Variants in GRIA2 observed in about 807,000 individuals in gnomAD.
GRIA2 encodes glutamate ionotropic receptor AMPA type subunit 2, also known as glutamate receptor 2.
Under a neutral mutation model 97.3 loss-of-function variants are expected in GRIA2, and 14 were observed. The observed-to-expected ratio is 0.14, with a 90% CI of 0.10 to 0.23. GRIA2 has a LOEUF of 0.23. Among genes scored for constraint, GRIA2 ranks in the 10% least tolerant of loss-of-function variants. The probability of loss-of-function intolerance (pLI) is 1.00; values close to 1 mark genes in which losing one functional copy is unlikely to be tolerated. For missense variants in GRIA2, 558 were observed against 1,069.8 expected (o/e 0.52, Z 6.67); for synonymous variants, 412 against 387.8 (o/e 1.06, Z -0.73).
intron 2 of GRIA2, among the ~76,000 whole-genome samples, chr4:157,250,486 G>A (rs1359704279): frequency 6.6e-6 from 1 of 151,858 alleles, no homozygotes; most frequent in Non-Finnish European, 1.5e-5. Context: ...TTTCTCACCT[G>A]GGCAATGCAT....
intron 6 of GRIA2, among the ~76,000 whole-genome samples, chr4:157,328,737 T>C (rs1331122167): frequency 6.6e-6 from 1 of 152,036 alleles, no homozygotes; most frequent in Non-Finnish European, 1.5e-5. Context: ...TCTTAATCTG[T>C]AAGATTTTCA....
intron 2 of GRIA2, among the ~76,000 whole-genome samples, chr4:157,250,024 A>G (rs1305300110): frequency 1.3e-5 from 2 of 152,144 alleles, no homozygotes; most frequent in Non-Finnish European, 2.9e-5. Flanking sequence ...TAAAGCTACC[A>G]TTATGCAGGC....
chr4:157,343,590 G>C (rs756488281), intron 12 of GRIA2, among the ~76,000 whole-genome samples: 5 of 152,052 alleles, frequency 3.3e-5, no homozygotes, highest in South Asian at 4.1e-4. Flanking sequence ...AAAAGGAACT[G>C]TTGATGAAAT....
At chr4:157,229,529 A>G (rs963439374) in intron 2 of GRIA2, among the ~76,000 whole-genome samples, 5 of 152,188 alleles carry the variant, frequency 3.3e-5, no homozygotes, top group Non-Finnish European at 7.4e-5. Context: ...GTGAGTAGCT[A>G]TCTTCTTAGA....
chr4:157,310,460 T>G (rs1226891177), intron 3 of GRIA2, among the ~76,000 whole-genome samples: 1 of 152,120 alleles, frequency 6.6e-6, no homozygotes. Context: ...GCTATAAAGA[T>G]TCCCAAACAC....
At chr4:157,227,262 G>A (rs538267498) in intron 2 of GRIA2, among the ~76,000 whole-genome samples, 7 of 152,252 alleles carry the variant, frequency 4.6e-5, no homozygotes, top group Admixed American at 4.6e-4. Flanking sequence ...ACATTGTACT[G>A]AGACATTATG....
In GRIA2 at chr4:157,220,844, G is replaced by T; in HGVS notation, c.-199G>T. The stretch of plus-strand genomic sequence containing the variant: ...TCCGGACTTCTGGAGCGGGGACAGG[G>T]CGCAGGGCATCAGCAGCCACCAGCA... On this transcript the variant is annotated 5_prime_UTR_variant, in exon 1 of 16. Coordinates refer to ENST00000264426, the MANE Select transcript of GRIA2 (RefSeq NM_001083619.3). 1 of 588,260 alleles carries T rather than the reference G, an allele frequency of 1.7e-6. No individual in the cohort carries two copies. Among genetic ancestry groups the T allele is most frequent in the South Asian group, 2.0e-5 (1 of 49,904 alleles). 36.4% of individuals were successfully genotyped at this position (588,260 alleles called of 1,614,324 possible). A position where few individuals can be genotyped will look rare whatever the true frequency, so the allele number is the denominator to read the frequency against.
intron 4 of GRIA2, among the ~76,000 whole-genome samples, chr4:157,314,939 A>G (rs1734245192): frequency 6.6e-6 from 1 of 152,222 alleles, no homozygotes; most frequent in South Asian, 2.1e-4. Flanking sequence ...TTGCTTAGAG[A>G]TAAAAATGTA....
chr4:157,338,749 A>G (rs1735416427), intron 11 of GRIA2, among the ~76,000 whole-genome samples: 1 of 152,066 alleles, frequency 6.6e-6, no homozygotes, highest in Non-Finnish European at 1.5e-5. Flanking sequence ...TTTTATTAAA[A>G]CATTTGAGGT....
intron 2 of GRIA2, among the ~76,000 whole-genome samples, chr4:157,236,082 G>A (rs1352857481): frequency 3.3e-5 from 5 of 151,930 alleles, no homozygotes; most frequent in Admixed American, 6.6e-5. Flanking sequence ...AAAAGTTGAT[G>A]CAGCTTTAAC....
In GRIA2 at chr4:157,363,442, T is replaced by C. The variant is rs1004969710; in HGVS notation, c.*11T>C. The C allele has an allele frequency of 2.4e-5, 30 of 1,244,410 alleles. No homozygotes were observed. The highest frequency in any genetic ancestry group is 2.7e-5 in the Non-Finnish European group (27 of 993,172). 77.1% of individuals were successfully genotyped at this position (1,244,410 alleles called of 1,614,324 possible). A position where few individuals can be genotyped will look rare whatever the true frequency, so the allele number is the denominator to read the frequency against. Reference sequence around the variant, plus strand: ...CCTCCTCTCTCATTTAAGATGACCTTGAATGATGCCATGAGGAACAAGGCA... The same window carrying C: ...CCTCCTCTCTCATTTAAGATGACCTCGAATGATGCCATGAGGAACAAGGCA... On this transcript the variant is annotated 3_prime_UTR_variant, in exon 16 of 16. Coordinates refer to ENST00000264426, the MANE Select transcript of GRIA2 (RefSeq NM_001083619.3).
chr4:157,252,371 C>A (rs1731055775), intron 2 of GRIA2, among the ~76,000 whole-genome samples: 1 of 152,040 alleles, frequency 6.6e-6, no homozygotes, highest in Admixed American at 6.6e-5. Flanking sequence ...GGTTATTTGA[C>A]CAACATTTAT....
At chr4:157,333,425 C>A in intron 8 of GRIA2, 72 bp downstream of exon 8, 1 of 678,916 alleles carries the variant, frequency 1.5e-6, no homozygotes, top group Non-Finnish European at 2.5e-6. Flanking sequence ...TTCACCCTTC[C>A]AGAGAATTCT....
At chr4:157,304,130 T>C (rs1337923457) in intron 3 of GRIA2, among the ~76,000 whole-genome samples, 1 of 152,222 alleles carries the variant, frequency 6.6e-6, no homozygotes, top group Non-Finnish European at 1.5e-5. Context: ...TGAAGTGGCT[T>C]GAGTACATTT....
intron 2 of GRIA2, among the ~76,000 whole-genome samples, chr4:157,265,083 C>T (rs190836206): frequency 2.0e-5 from 3 of 151,998 alleles, no homozygotes; most frequent in African/African-American, 7.2e-5. Context: ...TTATACTGCC[C>T]TTGTTAAGAT....
At chr4:157,291,437 C>A (rs190311675) in intron 2 of GRIA2, among the ~76,000 whole-genome samples, 467 of 151,728 alleles carry the variant, frequency 3.1e-3, no homozygotes, top group Non-Finnish European at 4.7e-3. Flanking sequence ...AATATATTTT[C>A]TCCTATTTTT....
At chr4:157,288,837 G>A (rs1732963258) in intron 2 of GRIA2, among the ~76,000 whole-genome samples, 1 of 151,640 alleles carries the variant, frequency 6.6e-6, no homozygotes, top group Admixed American at 6.6e-5. Flanking sequence ...ATAATTTCTG[G>A]ATGTTTTGAG....
At chr4:157,301,737 T>C (rs917905439) in intron 2 of GRIA2, among the ~76,000 whole-genome samples, 3 of 152,168 alleles carry the variant, frequency 2.0e-5, no homozygotes, top group African/African-American at 7.2e-5. Context: ...ATAGGGTTTG[T>C]TTTATCCTTC....
At chr4:157,264,895 A>G (rs1169248095) in intron 2 of GRIA2, among the ~76,000 whole-genome samples, 1 of 151,906 alleles carries the variant, frequency 6.6e-6, no homozygotes, top group East Asian at 1.9e-4. Flanking sequence ...TCTCTCTCTC[A>G]CCCACACACA....
Sources: allele counts gnomAD v4.1 joint callset (sites outside exome capture counted in the v4.1 genomes callset), GRCh38; gene constraint gnomAD v4.1.1; transcripts MANE v1.5; gene names NCBI Gene and HGNC (gene_info 2026-07-23, HGNC 2026-07-21).